Variants in SFSWAP observed in about 807,000 individuals in gnomAD.
SFSWAP encodes the protein splicing factor, suppressor of white-apricot homolog.
In SFSWAP, 17 loss-of-function variants were observed where a neutral mutation model predicts 100.7. The ratio of observed to expected loss-of-function variants is 0.17; its 90% CI spans 0.12 to 0.25. SFSWAP has a LOEUF of 0.25. Ranked by LOEUF, SFSWAP falls within the 10% of genes least tolerant of loss-of-function variation. The pLI, the probability that SFSWAP is intolerant of heterozygous loss-of-function variation, is 1.00. For synonymous variants in SFSWAP, 504 were observed against 510.1 expected (o/e 0.99, Z 0.16); for missense variants, 1,005 against 1,262.6 (o/e 0.80, Z 3.09).
chr12:131,782,150 CAAG>C (rs1041635721), intron 14 of SFSWAP, among the ~76,000 whole-genome samples: 13 of 152,156 alleles, frequency 8.5e-5, no homozygotes, highest in East Asian at 3.8e-4. Flanking sequence ...GACAAAAGAA[CAAG>C]AAGAAGAAGA....
At chr12:131,754,674 C>T (rs1881994656) in intron 9 of SFSWAP, among the ~76,000 whole-genome samples, 175 bp downstream of exon 9, 1 of 120,354 alleles carries the variant, frequency 8.3e-6, no homozygotes, top group African/African-American at 3.2e-5. Context: ...TGCTCTGTCA[C>T]CCAGGCTGGA....
chr12:131,777,939 G>C (rs1425478184), intron 13 of SFSWAP, 126 bp from the exon 14 acceptor site: 23 of 1,453,784 alleles, frequency 1.6e-5, no homozygotes, highest in African/African-American at 2.8e-5. Flanking sequence ...AGCCACAGGA[G>C]GAGACTTTCT....
At chr12:131,720,708 C>A (rs1878392813) in intron 4 of SFSWAP, among the ~76,000 whole-genome samples, 1 of 152,216 alleles carries the variant, frequency 6.6e-6, no homozygotes, top group South Asian at 2.1e-4. Flanking sequence ...ATGGTTCTTA[C>A]CCTTCATTAA....
chr12:131,786,447 C>A lies in SFSWAP; in HGVS notation c.2409-16C>A. ...GCCAGGCCACAGAGCTGAACACTGC[C>A]TCCTCCCCTGTCCAGGTCCCGCTCC... On this transcript the variant is annotated splice_polypyrimidine_tract_variant and intron_variant, in intron 14 of 17. Transcript: ENST00000261674. The A allele has an allele frequency of 6.3e-7, 1 of 1,582,754 alleles. No homozygotes were observed. Among genetic ancestry groups the A allele is most frequent in the East Asian group, 2.3e-5 (1 of 43,678 alleles).
chr12:131,712,393 G>C (rs559536244), intron 1 of SFSWAP: 14 of 152,278 alleles, frequency 9.2e-5, no homozygotes, highest in African/African-American at 3.4e-4. Flanking sequence ...GGGTTTTGGG[G>C]TTGTTGTGGG....
At chr12:131,795,440 G>A (rs188179329) in intron 15 of SFSWAP, among the ~76,000 whole-genome samples, 38 of 152,342 alleles carry the variant, frequency 2.5e-4, no homozygotes, top group African/African-American at 8.9e-4. Context: ...GCATGCTGTG[G>A]TCCCTGGCTA....
intron 11 of SFSWAP, among the ~76,000 whole-genome samples, chr12:131,759,729 G>T: frequency 6.6e-6 from 1 of 151,896 alleles, no homozygotes; most frequent in Non-Finnish European, 1.5e-5. Context: ...GTGAACCCGG[G>T]AGGCGGAGCT....
chr12:131,734,811 G>A lies in SFSWAP; in HGVS notation c.1081+6383G>A, dbSNP rs907855301. On this transcript the variant is annotated intron_variant, in intron 7 of 17. Transcript: ENST00000261674. This position sits in a 1 kb window ranked among gnomAD's most constrained non-coding sequence, Gnocchi z 4.9. ...GCTCTCCCTGCGTGCGCACGTCTACGTACGCTCGTGTATGCTGAGGAGCAG... is the reference window on the plus strand; with the variant it reads ...GCTCTCCCTGCGTGCGCACGTCTACATACGCTCGTGTATGCTGAGGAGCAG... 2.0e-5 allele frequency among the ~76,000 whole-genome samples: 3 copies of A among 151,930 alleles called. No individual in the cohort carries two copies. Among genetic ancestry groups the A allele is most frequent in the East Asian group, 1.9e-4 (1 of 5,172 alleles).
At chr12:131,791,419 A>G (rs1173407661) in intron 15 of SFSWAP, among the ~76,000 whole-genome samples, 1 of 151,908 alleles carries the variant, frequency 6.6e-6, no homozygotes, top group East Asian at 1.9e-4. Flanking sequence ...TTTCCACCAA[A>G]CTCCAGTCCC....
chr12:131,728,566 C>G (rs1879208988), intron 7 of SFSWAP, 138 bp downstream of exon 7: 1 of 911,342 alleles, frequency 1.1e-6, no homozygotes, highest in Non-Finnish European at 1.6e-6. Context: ...TGCACATGGT[C>G]CCAAGGGAGA....
At chr12:131,780,074 CTG>C (rs1884377989) in intron 14 of SFSWAP, among the ~76,000 whole-genome samples, 1 of 152,264 alleles carries the variant, frequency 6.6e-6, no homozygotes, top group African/African-American at 2.4e-5. Flanking sequence ...GCGTGAGCCA[CTG>C]TGCCCAGCCT....
At chr12:131,773,838 A>G (rs1566046650) in intron 13 of SFSWAP, among the ~76,000 whole-genome samples, 1 of 152,240 alleles carries the variant, frequency 6.6e-6, no homozygotes, top group Non-Finnish European at 1.5e-5. Context: ...TGCTGTTCAC[A>G]CATGGGCATT....
Sources: gnomAD v4.1 joint callset for allele counts (sites outside exome capture counted in the v4.1 genomes callset) on GRCh38, gnomAD v4.1.1 for gene constraint, Gnocchi (gnomAD v3.1) non-coding constraint, MANE v1.5 for transcripts, NCBI Gene and HGNC (gene_info 2026-07-23, HGNC 2026-07-21) for gene names.